The following AJAP1 variants were observed in gnomAD, a reference collection of about 807,000 sequenced individuals.
AJAP1 encodes the protein adherens junctions associated protein 1, also known as adherens junction-associated protein 1.
A neutral mutation model predicts 35.0 loss-of-function variants in AJAP1; 5 were observed. The observed-to-expected ratio is 0.14, with a 90% confidence interval of 0.07 to 0.30. AJAP1 has a LOEUF of 0.30. Ranked by LOEUF, AJAP1 falls within the 10% of genes least tolerant of loss-of-function variation. The pLI is 1.00. For synonymous variants in AJAP1, 284 were observed against 249.3 expected (o/e 1.14, Z -1.31); for missense variants, 586 against 571.0 (o/e 1.03, Z -0.27).
At chr1:4,729,463 C>T (rs1570165371) in intron 2 of AJAP1, among the ~76,000 whole-genome samples, 1 of 152,156 alleles carries the variant, frequency 6.6e-6, no homozygotes, top group African/African-American at 2.4e-5. Flanking sequence ...AGGGTGACCT[C>T]GAGACTCACG....
At chr1:4,725,302 C>T (rs555920336) in intron 2 of AJAP1, among the ~76,000 whole-genome samples, 16 of 152,290 alleles carry the variant, frequency 1.1e-4, no homozygotes, top group South Asian at 4.1e-4. Flanking sequence ...ACTCACTTCC[C>T]GTGTGTGGGG....
chr1:4,717,419 G>A (rs1640419020), intron 2 of AJAP1, among the ~76,000 whole-genome samples: 3 of 152,156 alleles, frequency 2.0e-5, no homozygotes, highest in Non-Finnish European at 2.9e-5. Context: ...ACCCAGGAGG[G>A]GCCCTGAAAT....
intron 2 of AJAP1, among the ~76,000 whole-genome samples, chr1:4,739,929 G>A (rs1641018295): frequency 6.6e-6 from 1 of 152,178 alleles, no homozygotes; most frequent in Non-Finnish European, 1.5e-5. Flanking sequence ...TACTGAGAGG[G>A]CTTCCGGGAT....
chr1:4,668,230 T>G (rs1290250208), intron 1 of AJAP1, among the ~76,000 whole-genome samples: 3 of 149,972 alleles, frequency 2.0e-5, no homozygotes. Context: ...AAAAATGCCA[T>G]TAGGGTGGCA....
In AJAP1 at chr1:4,783,037, A is replaced by AAC. The variant is rs560228512; in HGVS notation, c.*565_*566dup. ...ATACATATATAAATATATAAATACA[A>AAC]ACACACACACACACTTTTTTTGTAC... On this transcript the variant is annotated 3_prime_UTR_variant, in exon 6 of 6. Coordinates refer to ENST00000378191, the MANE Select transcript of AJAP1 (RefSeq NM_018836.4). The AAC allele has an allele frequency of 3.4e-5, 13 of 387,804 alleles. No homozygotes were observed. In the South Asian group the frequency reaches 7.2e-4, roughly 22 times the overall value. The allele number at this position is 387,804 out of a possible 1,614,324, so 24.0% of individuals were successfully genotyped here. A position where few individuals can be genotyped will look rare whatever the true frequency, so the allele number is the denominator to read the frequency against.
intron 1 of AJAP1, among the ~76,000 whole-genome samples, chr1:4,677,982 C>T (rs561728921): frequency 4.1e-4 from 62 of 152,262 alleles, no homozygotes; most frequent in African/African-American, 1.2e-3. Context: ...TAGAGGATGT[C>T]GATCAGCCCT....
intron 2 of AJAP1, among the ~76,000 whole-genome samples, chr1:4,715,582 G>A (rs1454130011): frequency 1.3e-5 from 2 of 152,220 alleles, no homozygotes; most frequent in Non-Finnish European, 2.9e-5. Flanking sequence ...CTACTACGGA[G>A]GTTGAGGCAG....
At chr1:4,689,646 G>A (rs1030992929) in intron 1 of AJAP1, among the ~76,000 whole-genome samples, 10 of 152,330 alleles carry the variant, frequency 6.6e-5, no homozygotes, top group South Asian at 4.1e-4. Flanking sequence ...TGGAGGATCC[G>A]TTTCCTCCGC....
intron 1 of AJAP1, among the ~76,000 whole-genome samples, chr1:4,676,886 G>A (rs896470847): frequency 6.6e-6 from 1 of 152,240 alleles, no homozygotes; most frequent in Non-Finnish European, 1.5e-5. Context: ...GCCAGGGGCC[G>A]TGGCTCACGC....
intron 1 of AJAP1, among the ~76,000 whole-genome samples, chr1:4,691,401 C>T (rs957470489): frequency 6.6e-6 from 1 of 152,204 alleles, no homozygotes; most frequent in African/African-American, 2.4e-5. Context: ...GGACGAGGTG[C>T]CCTGTGCTTC....
intron 5 of AJAP1, among the ~76,000 whole-genome samples, chr1:4,780,274 C>G (rs1363892037): frequency 6.6e-6 from 1 of 152,070 alleles, no homozygotes; most frequent in African/African-American, 2.4e-5. Context: ...TATTAAAACT[C>G]CGCACCCACT....
chr1:4,680,725 C>T (rs897503539), intron 1 of AJAP1, among the ~76,000 whole-genome samples: 10 of 152,184 alleles, frequency 6.6e-5, no homozygotes, highest in Non-Finnish European at 2.9e-5. Context: ...TTCAGGTGCA[C>T]TGGAGTTTTT....
chr1:4,661,338 A>G (rs541653814), intron 1 of AJAP1, among the ~76,000 whole-genome samples: 3 of 152,356 alleles, frequency 2.0e-5, no homozygotes, highest in South Asian at 2.1e-4. Context: ...ATCTGATCCA[A>G]CGGTGCTAAA....
In AJAP1 at chr1:4,792,340, C is replaced by CG. The variant is rs909626043; in HGVS notation, c.*9861dup. Reference sequence around the variant, plus strand: ...TGACACAATATATGTGGGTGGGGGGCGGGGGGCAGGTGGCTGGGTGTGATT... The same window carrying CG: ...TGACACAATATATGTGGGTGGGGGGCGGGGGGGCAGGTGGCTGGGTGTGATT... On this transcript the variant is annotated 3_prime_UTR_variant, in exon 6 of 6. Transcript: ENST00000378191. The CG allele has an allele frequency of 5.0e-5, 5 of 100,708 alleles. No individual in the cohort carries two copies. Among genetic ancestry groups the CG allele is most frequent in the African/African-American group, 2.0e-4 (5 of 24,398 alleles). 6.2% of individuals were successfully genotyped at this position (100,708 alleles called of 1,614,324 possible). A position where few individuals can be genotyped will look rare whatever the true frequency, so the allele number is the denominator to read the frequency against.
chr1:4,776,313 C>T (rs2100368258), intron 5 of AJAP1, among the ~76,000 whole-genome samples: 1 of 152,074 alleles, frequency 6.6e-6, no homozygotes, highest in African/African-American at 2.4e-5. Context: ...GTTTGCACGG[C>T]AGCTCATGGA....
At chr1:4,678,042 C>G (rs564280998) in intron 1 of AJAP1, among the ~76,000 whole-genome samples, 21 of 152,308 alleles carry the variant, frequency 1.4e-4, no homozygotes, top group South Asian at 1.2e-3. Flanking sequence ...TGGGTTGATG[C>G]ATTTCCCACA....
chr1:4,783,744 G>A lies in AJAP1; in HGVS notation c.*1259G>A, dbSNP rs1267422916. ...CGTGTGTGTCATACAAGCATAGACT[G>A]GATTAAAGAAGTTTTCCAGTTCCAA... On this transcript the variant is annotated 3_prime_UTR_variant, in exon 6 of 6. Coordinates refer to ENST00000378191, the MANE Select transcript of AJAP1 (RefSeq NM_018836.4). 2.0e-5 allele frequency: 3 copies of A among 151,582 alleles called. No individual in the cohort carries two copies. Among genetic ancestry groups the A allele is most frequent in the African/African-American group, 7.3e-5 (3 of 41,200 alleles). The allele number at this position is 151,582 out of a possible 1,614,324, so 9.4% of individuals were successfully genotyped here. A position where few individuals can be genotyped will look rare whatever the true frequency, so the allele number is the denominator to read the frequency against.
chr1:4,736,382 A>G (rs2100307325), intron 2 of AJAP1, among the ~76,000 whole-genome samples: 1 of 151,906 alleles, frequency 6.6e-6, no homozygotes, highest in Middle Eastern at 3.4e-3. Flanking sequence ...TCCCTTTCCC[A>G]CGGTCTTGGC....
chr1:4,772,193 C>T (rs1258659244), intron 3 of AJAP1, 87 bp from the exon 4 acceptor site: 13 of 1,559,892 alleles, frequency 8.3e-6, no homozygotes, highest in South Asian at 3.5e-5. Context: ...CGCCTGCAAG[C>T]GAAAGACCCA....
Sources: gnomAD v4.1 joint callset for allele counts (sites outside exome capture counted in the v4.1 genomes callset) on GRCh38, gnomAD v4.1.1 for gene constraint, MANE v1.5 for transcripts, NCBI Gene and HGNC (gene_info 2026-07-23, HGNC 2026-07-21) for gene names.